The following SNTG1 variants were observed in gnomAD, a reference collection of about 807,000 sequenced individuals.
SNTG1 encodes the protein syntrophin gamma 1.
A neutral mutation model predicts 74.7 loss-of-function variants in SNTG1; 39 were observed. The ratio of observed to expected loss-of-function variants is 0.52; its 90% CI spans 0.40 to 0.68. The LOEUF is 0.68. SNTG1 is among the 30% of genes least tolerant of loss of function. The pLI is 0.00. For synonymous variants in SNTG1, 254 were observed against 217.1 expected, an observed-to-expected ratio of 1.17 and a Z score of -1.49; for missense variants, 685 against 609.5, an observed-to-expected ratio of 1.12 and a Z score of -1.30.
At chr8:50,508,970 G>A (rs1421280240) in intron 9 of SNTG1, among the ~76,000 whole-genome samples, 1 of 152,090 alleles carries the variant, frequency 6.6e-6, no homozygotes, top group East Asian at 1.9e-4. Flanking sequence ...ATTGCTTTTG[G>A]TGTTTTAGAC....
chr8:49,938,238 G>C (rs140709028), intron 1 of SNTG1, among the ~76,000 whole-genome samples: 5 of 152,206 alleles, frequency 3.3e-5, no homozygotes, highest in African/African-American at 1.2e-4. Flanking sequence ...ATTGTCTCTC[G>C]AATCTCATAT....
chr8:50,324,514 T>A (rs2090659157), intron 2 of SNTG1, among the ~76,000 whole-genome samples: 1 of 152,204 alleles, frequency 6.6e-6, no homozygotes, highest in Non-Finnish European at 1.5e-5. Flanking sequence ...TTCCAGCATG[T>A]GGTCGGGGTA....
intron 12 of SNTG1, among the ~76,000 whole-genome samples, chr8:50,586,771 T>C (rs1000872411): frequency 6.6e-6 from 1 of 152,080 alleles, no homozygotes; most frequent in Non-Finnish European, 1.5e-5. Flanking sequence ...ACAGGTGTTT[T>C]TGAAAAATGT....
chr8:50,133,990 C>T (rs753615094), intron 1 of SNTG1, among the ~76,000 whole-genome samples: 10 of 152,134 alleles, frequency 6.6e-5, no homozygotes, highest in East Asian at 1.9e-4. Flanking sequence ...AGCAAGACAG[C>T]CCTTAGGAGG....
intron 2 of SNTG1, among the ~76,000 whole-genome samples, chr8:50,305,834 G>C (rs1262196289): frequency 6.6e-6 from 1 of 151,092 alleles, no homozygotes; most frequent in Non-Finnish European, 1.5e-5. Flanking sequence ...TAACCCAGTA[G>C]CTCCAATTTA....
intron 10 of SNTG1, among the ~76,000 whole-genome samples, chr8:50,534,112 T>G (rs1165617050): frequency 2.0e-5 from 3 of 152,192 alleles, no homozygotes; most frequent in African/African-American, 7.2e-5. Flanking sequence ...ATCCAAATTA[T>G]TTTTCCATTG....
At chr8:50,359,708 T>C (rs1401578517) in intron 2 of SNTG1, among the ~76,000 whole-genome samples, 2 of 152,148 alleles carry the variant, frequency 1.3e-5, no homozygotes, top group Non-Finnish European at 2.9e-5. Context: ...TCTCTCAATC[T>C]CAACTCTTTA....
chr8:50,259,518 AAGAAAGAAAGAAAGAAAGAAAG>A (rs1563810342), intron 2 of SNTG1, among the ~76,000 whole-genome samples: 313 of 8,740 alleles, frequency 0.036, 40 homozygotes, highest in Admixed American at 0.047. Context: ...AAAAGAAAGA[AAGAAAGAAAGAAAGAAAGAAAG>A]AAAGAAAGAA....
chr8:50,173,811 T>C (rs1376605332), intron 2 of SNTG1, among the ~76,000 whole-genome samples: 1 of 152,206 alleles, frequency 6.6e-6, no homozygotes, highest in Non-Finnish European at 1.5e-5. Context: ...GGTAGATTTT[T>C]TAAACAATTA....
intron 2 of SNTG1, among the ~76,000 whole-genome samples, chr8:50,201,814 A>G (rs1339478416): frequency 1.3e-5 from 2 of 152,188 alleles, no homozygotes; most frequent in Non-Finnish European, 2.9e-5. Context: ...ATGAATTGAT[A>G]CCAATGACCT....
chr8:50,637,707 G>C (rs977519267), intron 13 of SNTG1, among the ~76,000 whole-genome samples: 1 of 151,742 alleles, frequency 6.6e-6, no homozygotes, highest in African/African-American at 2.4e-5. Context: ...TAAAATCCCA[G>C]AAATAATTTG....
chr8:50,548,067 C>A lies in SNTG1; in HGVS notation c.681-4983C>A, dbSNP rs150676691. ...CAAAGTAGACAAGAGCAACTAAGGA[C>A]CTTGGGGTCCCAGAGATCAATTGTA... On this transcript the variant is annotated intron_variant, in intron 11 of 18. Transcript: ENST00000642720. Among the ~76,000 whole-genome samples the A allele has an allele frequency of 5.0e-3, 763 of 152,218 alleles. 5 individuals carry two copies. The highest frequency in any genetic ancestry group is 0.02 in the Middle Eastern group (6 of 294).
At chr8:50,120,395 C>T (rs1394498570) in intron 1 of SNTG1, among the ~76,000 whole-genome samples, 1 of 140,008 alleles carries the variant, frequency 7.1e-6, no homozygotes, top group Non-Finnish European at 1.6e-5. Context: ...ACCACCACCA[C>T]TACCATAACT....
rs571695039 is a variant in SNTG1, at chr8:50,002,417, G to GT, written c.-103+90191dup. ...AGATTTCAAAAACTCAATATTGCCT[G>GT]TTTTTCTGTGAGTTGGTTTATATAT... On this transcript the variant is annotated intron_variant, in intron 1 of 18. Transcript: ENST00000642720. Among the ~76,000 whole-genome samples the GT allele has an allele frequency of 3.9e-3, 590 of 152,100 alleles. 8 individuals are homozygous for GT. Among genetic ancestry groups the GT allele is most frequent in the African/African-American group, 0.012 (491 of 41,500 alleles).
intron 15 of SNTG1, among the ~76,000 whole-genome samples, chr8:50,684,270 A>C (rs1008778122): frequency 6.6e-6 from 1 of 152,194 alleles, no homozygotes; most frequent in Non-Finnish European, 1.5e-5. Flanking sequence ...AACGTTTTTT[A>C]TTATGATACA....
chr8:50,277,704 A>G (rs1247073488), intron 2 of SNTG1, among the ~76,000 whole-genome samples: 1 of 152,222 alleles, frequency 6.6e-6, no homozygotes, highest in Admixed American at 6.5e-5. Flanking sequence ...TACTTAATGC[A>G]TCAAAAAATC....
intron 1 of SNTG1, among the ~76,000 whole-genome samples, chr8:50,168,700 A>G (rs1258677040): frequency 6.6e-6 from 1 of 152,134 alleles, no homozygotes; most frequent in Non-Finnish European, 1.5e-5. Flanking sequence ...ATTTTATTCT[A>G]TTTTCCTTTA....
intron 17 of SNTG1, among the ~76,000 whole-genome samples, chr8:50,734,764 TATGGACATATATATAG>T (rs2095522065): frequency 8.8e-6 from 1 of 113,046 alleles, no homozygotes; most frequent in African/African-American, 5.4e-5. Flanking sequence ...TATCTATATA[TATGGACATATATATAG>T]ATATCTATAT....
At chr8:50,227,394 T>C (rs2085383924) in intron 2 of SNTG1, among the ~76,000 whole-genome samples, 1 of 152,086 alleles carries the variant, frequency 6.6e-6, no homozygotes. Flanking sequence ...GTGAAACAGG[T>C]CTTGAGAAAT....
Sources: gnomAD v4.1 joint callset for allele counts (sites outside exome capture counted in the v4.1 genomes callset) on GRCh38, gnomAD v4.1.1 for gene constraint, MANE v1.5 for transcripts, NCBI Gene and HGNC (gene_info 2026-07-23, HGNC 2026-07-21) for gene names.